Variants in NELL1 observed in about 807,000 individuals in gnomAD.
NELL1 encodes neural EGFL like 1.
A neutral mutation model predicts 107.4 loss-of-function variants in NELL1; 76 were observed. That is an observed-to-expected ratio of 0.71 (90% CI 0.59 to 0.86). NELL1 has a LOEUF of 0.86. Among genes scored for constraint, NELL1 ranks in the 40% least tolerant of loss-of-function variants. NELL1 has a pLI of 0.00. For missense variants in NELL1, 1,024 were observed against 1,005.5 expected, an observed-to-expected ratio of 1.02 and a Z score of -0.25; for synonymous variants, 353 against 341.2, an observed-to-expected ratio of 1.03 and a Z score of -0.38.
chr11:21,196,071 C>T (rs1857145653), intron 13 of NELL1, among the ~76,000 whole-genome samples: 1 of 152,044 alleles, frequency 6.6e-6, no homozygotes, highest in African/African-American at 2.4e-5. Context: ...AATTGTCAGC[C>T]CTGCTTGTAG....
intron 11 of NELL1, among the ~76,000 whole-genome samples, chr11:20,953,983 A>C (rs1161620655): frequency 6.6e-6 from 1 of 152,136 alleles, no homozygotes; most frequent in Admixed American, 6.5e-5. Flanking sequence ...TAGGTGCTTA[A>C]AATTTGCTGT....
intron 5 of NELL1, among the ~76,000 whole-genome samples, chr11:20,916,159 T>C (rs551800888): frequency 6.6e-6 from 1 of 152,044 alleles, no homozygotes; most frequent in South Asian, 2.1e-4. Flanking sequence ...CTTTGGGTTT[T>C]TGTGTTAATG....
chr11:21,453,030 G>A (rs951007670), intron 15 of NELL1, among the ~76,000 whole-genome samples: 1 of 151,760 alleles, frequency 6.6e-6, no homozygotes, highest in African/African-American at 2.4e-5. Flanking sequence ...AACATTCTCT[G>A]TATGATTTAA....
At chr11:20,814,264 G>T (rs2134016843) in intron 3 of NELL1, among the ~76,000 whole-genome samples, 1 of 152,296 alleles carries the variant, frequency 6.6e-6, no homozygotes, top group Non-Finnish European at 1.5e-5. Flanking sequence ...AAAGTGCTGG[G>T]ATTACAGGCG....
chr11:20,980,686 G>A (rs10833424), intron 12 of NELL1, among the ~76,000 whole-genome samples: 17,413 of 152,156 alleles, frequency 0.11, 1,211 homozygotes, highest in East Asian at 0.26. Context: ...CTAAAATTCT[G>A]TCTATCTCCT....
chr11:20,742,161 A>G (rs1433317085), intron 2 of NELL1, among the ~76,000 whole-genome samples: 1 of 152,124 alleles, frequency 6.6e-6, no homozygotes, highest in Non-Finnish European at 1.5e-5. Flanking sequence ...TTCCAAGAGG[A>G]GACTGTTGTT....
chr11:21,145,292 A>C (rs566844443), intron 13 of NELL1, among the ~76,000 whole-genome samples: 1 of 152,316 alleles, frequency 6.6e-6, no homozygotes, highest in Non-Finnish European at 1.5e-5. Flanking sequence ...CCAACTTATA[A>C]GTGGTAGAAT....
At chr11:21,378,757 G>A (rs907906235) in intron 15 of NELL1, among the ~76,000 whole-genome samples, 5 of 137,620 alleles carry the variant, frequency 3.6e-5, no homozygotes, top group African/African-American at 5.5e-5. Flanking sequence ...TCACTCCATC[G>A]CCCTGGCTGG....
intron 2 of NELL1, among the ~76,000 whole-genome samples, chr11:20,705,465 T>G (rs1854922370): frequency 6.6e-6 from 1 of 151,558 alleles, no homozygotes; most frequent in Admixed American, 6.6e-5. Flanking sequence ...TAGCCATATG[T>G]AGAAAGCTGA....
intron 10 of NELL1, among the ~76,000 whole-genome samples, chr11:20,943,116 G>A (rs1850890523): frequency 6.6e-6 from 1 of 151,760 alleles, no homozygotes; most frequent in Non-Finnish European, 1.5e-5. Flanking sequence ...CTCTTGCACA[G>A]GTAGTGTGTG....
In NELL1 at chr11:20,927,455, G is replaced by A; in HGVS notation, c.894+13G>A. 1 of 1,604,508 alleles carries A rather than the reference G, an allele frequency of 6.2e-7. No homozygotes were observed. On this transcript the variant is annotated intron_variant, in intron 8 of 19. Coordinates refer to ENST00000357134, the MANE Select transcript of NELL1 (RefSeq NM_006157.5). Reference sequence around the variant, plus strand: ...CTGCACTTGCAAAGTAAGCCTCTTTGTAAATAAATACAGTAAAAACAGTTT... The same window carrying A: ...CTGCACTTGCAAAGTAAGCCTCTTTATAAATAAATACAGTAAAAACAGTTT...
At chr11:21,036,769 C>T (rs552128826) in intron 12 of NELL1, among the ~76,000 whole-genome samples, 145 of 152,012 alleles carry the variant, frequency 9.5e-4, no homozygotes, top group Admixed American at 1.7e-3. Flanking sequence ...AACACACACA[C>T]TTCTAGAAAT....
intron 12 of NELL1, among the ~76,000 whole-genome samples, chr11:21,029,464 C>G (rs188363603): frequency 7.8e-4 from 119 of 152,176 alleles, no homozygotes; most frequent in African/African-American, 2.7e-3. Flanking sequence ...CTCCTCCTCT[C>G]CCTCACAATC....
intron 13 of NELL1, among the ~76,000 whole-genome samples, chr11:21,187,724 G>C (rs1266397090): frequency 2.6e-5 from 4 of 151,638 alleles, no homozygotes; most frequent in Non-Finnish European, 5.9e-5. Flanking sequence ...ACTTTATTCA[G>C]AGAATCATAG....
intron 2 of NELL1, among the ~76,000 whole-genome samples, chr11:20,704,297 G>A (rs1190382842): frequency 6.6e-6 from 1 of 152,098 alleles, no homozygotes; most frequent in Non-Finnish European, 1.5e-5. Flanking sequence ...TTGGTTTAAA[G>A]TCTGTTTTAT....
At chr11:20,935,992 G>C (rs995889092) in intron 9 of NELL1, among the ~76,000 whole-genome samples, 3 of 152,122 alleles carry the variant, frequency 2.0e-5, no homozygotes, top group Admixed American at 2.0e-4. Flanking sequence ...GGTTGCTGCA[G>C]GTCAGGTTCT....
At chr11:21,562,966 C>T (rs990368052) in intron 17 of NELL1, among the ~76,000 whole-genome samples, 1 of 152,052 alleles carries the variant, frequency 6.6e-6, no homozygotes, top group Non-Finnish European at 1.5e-5. Context: ...TGAAGCTAGG[C>T]TAGCATAAAT....
At chr11:21,423,429 A>T (rs1852742251) in intron 15 of NELL1, among the ~76,000 whole-genome samples, 1 of 152,134 alleles carries the variant, frequency 6.6e-6, no homozygotes, top group African/African-American at 2.4e-5. Context: ...TATAACATGA[A>T]TATATAATAA....
chr11:21,009,714 T>C (rs1198729030), intron 12 of NELL1, among the ~76,000 whole-genome samples: 1 of 152,108 alleles, frequency 6.6e-6, no homozygotes, highest in Non-Finnish European at 1.5e-5. Context: ...AGAATGTCAA[T>C]TCAGTAATTT....
Sources: gnomAD v4.1 joint callset for allele counts (sites outside exome capture counted in the v4.1 genomes callset) on GRCh38, gnomAD v4.1.1 for gene constraint, MANE v1.5 for transcripts, NCBI Gene and HGNC (gene_info 2026-07-23, HGNC 2026-07-21) for gene names.